KIF6: variants seen among roughly 807,000 people sequenced by gnomAD.
KIF6 encodes the protein kinesin family member 6.
Under a neutral mutation model 112.7 loss-of-function variants are expected in KIF6, and 106 were observed. The observed-to-expected ratio is 0.94, with a 90% confidence interval of 0.80 to 1.11. The LOEUF is 1.11. Among genes scored for constraint, KIF6 ranks in the 50% least tolerant of loss-of-function variants. KIF6 has a pLI of 0.00. For synonymous variants in KIF6, 339 were observed against 339.9 expected, an observed-to-expected ratio of 1.00 and a Z score of 0.03; for missense variants, 929 against 964.0, an observed-to-expected ratio of 0.96 and a Z score of 0.48.
At chr6:39,532,927 G>A (rs879102687) in intron 13 of KIF6, among the ~76,000 whole-genome samples, 1 of 152,186 alleles carries the variant, frequency 6.6e-6, no homozygotes, top group African/African-American at 2.4e-5. Flanking sequence ...ATCATGCTCT[G>A]CTGGCCTAAC....
intron 3 of KIF6, among the ~76,000 whole-genome samples, chr6:39,661,967 A>G (rs1172524941): frequency 6.6e-6 from 1 of 152,198 alleles, no homozygotes; most frequent in Non-Finnish European, 1.5e-5. Context: ...CTTTAATTGT[A>G]CTGGAGACCT....
intron 9 of KIF6, among the ~76,000 whole-genome samples, chr6:39,581,161 CTTT>C (rs60321520): frequency 2.5e-5 from 2 of 78,704 alleles, no homozygotes; most frequent in Non-Finnish European, 2.5e-5. Flanking sequence ...GCTTTACTTT[CTTT>C]TTTTTTTTTT....
intron 13 of KIF6, among the ~76,000 whole-genome samples, chr6:39,434,448 G>T (rs9471101): frequency 1.3e-5 from 2 of 151,822 alleles, no homozygotes; most frequent in African/African-American, 4.8e-5. Context: ...GCACGCACCT[G>T]TAATCCCAGC....
At chr6:39,441,741 G>A (rs1257686666) in intron 13 of KIF6, among the ~76,000 whole-genome samples, 4 of 152,194 alleles carry the variant, frequency 2.6e-5, no homozygotes, top group Admixed American at 6.5e-5. Flanking sequence ...TCCTCCTCTC[G>A]ATTGACAATT....
At chr6:39,664,102 G>T (rs564956944) in intron 3 of KIF6, among the ~76,000 whole-genome samples, 1 of 152,096 alleles carries the variant, frequency 6.6e-6, no homozygotes, top group Non-Finnish European at 1.5e-5. Flanking sequence ...ATGATTTCAC[G>T]TGGTGATAAC....
intron 14 of KIF6, among the ~76,000 whole-genome samples, chr6:39,424,682 G>A (rs556674815): frequency 5.5e-4 from 84 of 152,248 alleles, no homozygotes; most frequent in African/African-American, 1.9e-3. Context: ...GGTTGATGTG[G>A]AAAGAGCATG....
chr6:39,341,716 C>A (rs1231886912), intron 22 of KIF6, among the ~76,000 whole-genome samples: 1 of 152,148 alleles, frequency 6.6e-6, no homozygotes, highest in Non-Finnish European at 1.5e-5. Context: ...GATGGTCATG[C>A]CTCCCTGCCT....
At chr6:39,394,334 T>C (rs1315302453) in intron 15 of KIF6, among the ~76,000 whole-genome samples, 2 of 152,252 alleles carry the variant, frequency 1.3e-5, no homozygotes, top group African/African-American at 4.8e-5. Context: ...TACTATAGCA[T>C]GCTGGAAATT....
intron 3 of KIF6, among the ~76,000 whole-genome samples, chr6:39,696,983 C>G (rs1238192637): frequency 1.3e-5 from 2 of 152,010 alleles, no homozygotes; most frequent in African/African-American, 4.8e-5. Context: ...AAAATGTGAA[C>G]AAGCCCTACT....
At chr6:39,547,424 T>C (rs1779124122) in intron 10 of KIF6, among the ~76,000 whole-genome samples, 1 of 152,212 alleles carries the variant, frequency 6.6e-6, no homozygotes, top group African/African-American at 2.4e-5. Flanking sequence ...TACAGAGGGA[T>C]TTATTCCTGA....
chr6:39,608,840 C>T (rs1783037440), intron 6 of KIF6, among the ~76,000 whole-genome samples: 1 of 152,178 alleles, frequency 6.6e-6, no homozygotes, highest in Admixed American at 6.5e-5. Context: ...AGGTCTTCCT[C>T]TCTCATGAAT....
chr6:39,484,897 C>T (rs754330081), intron 13 of KIF6, among the ~76,000 whole-genome samples: 2 of 152,148 alleles, frequency 1.3e-5, no homozygotes, highest in Non-Finnish European at 2.9e-5. Flanking sequence ...CTGGGTTTGC[C>T]TCCCCCAGGG....
In KIF6 at chr6:39,346,132, C is replaced by CCTCTCTCTCTCCCTCTCTCTCT. The variant is rs1763769865; in HGVS notation, c.2231+343_2232-343insAGAGAGAGAGGGAGAGAGAGAG. 1.3e-3 allele frequency among the ~76,000 whole-genome samples: 34 copies of CCTCTCTCTCTCCCTCTCTCTCT among 26,928 alleles called. 2 individuals carry two copies. The East Asian group carries it at 0.013, about 10-fold the overall frequency. The allele number at this position is 26,928 out of a possible 152,430, so 17.7% of individuals were successfully genotyped here. On this transcript the variant is annotated intron_variant, in intron 20 of 22. Coordinates refer to ENST00000287152, the MANE Select transcript of KIF6 (RefSeq NM_145027.6). ...CTCCCTCTCCCTCTCCCTCCCTCTC[C>CCTCTCTCTCTCCCTCTCTCTCT]CTCTCTCTCTCTCTCTCTCTCTCTC...
chr6:39,597,867 TAATA>T (rs1281570710), intron 6 of KIF6, among the ~76,000 whole-genome samples: 7 of 152,046 alleles, frequency 4.6e-5, no homozygotes, highest in Non-Finnish European at 1.5e-5. Flanking sequence ...AAAACATTAA[TAATA>T]AATAAAGGAC....
chr6:39,515,525 T>G (rs1777031436), intron 13 of KIF6, among the ~76,000 whole-genome samples: 1 of 152,236 alleles, frequency 6.6e-6, no homozygotes, highest in Non-Finnish European at 1.5e-5. Flanking sequence ...TCTACTCTCC[T>G]TGTCACCACT....
At chr6:39,718,102 T>C (rs1789965845) in intron 2 of KIF6, among the ~76,000 whole-genome samples, 1 of 151,542 alleles carries the variant, frequency 6.6e-6, no homozygotes, top group Non-Finnish European at 1.5e-5. Flanking sequence ...TGGTGTTGCA[T>C]GCCTGTAATC....
At chr6:39,369,370 C>G (rs1281761504) in intron 16 of KIF6, among the ~76,000 whole-genome samples, 1 of 152,172 alleles carries the variant, frequency 6.6e-6, no homozygotes, top group South Asian at 2.1e-4. Flanking sequence ...TGGGCACACT[C>G]ACCCCCACTG....
At chr6:39,355,237 C>T (rs760713496) in intron 19 of KIF6, among the ~76,000 whole-genome samples, 11 of 152,032 alleles carry the variant, frequency 7.2e-5, no homozygotes, top group Non-Finnish European at 1.3e-4. Flanking sequence ...TGTTTATATT[C>T]TGCATATTGA....
chr6:39,383,293 T>C (rs1407422402), intron 16 of KIF6, among the ~76,000 whole-genome samples: 5 of 152,248 alleles, frequency 3.3e-5, no homozygotes, highest in East Asian at 1.9e-4. Flanking sequence ...TTTTAACAGA[T>C]TGAAGTCTTA....
Sources: allele counts gnomAD v4.1 joint callset (sites outside exome capture counted in the v4.1 genomes callset), GRCh38; gene constraint gnomAD v4.1.1; transcripts MANE v1.5; gene names NCBI Gene and HGNC (gene_info 2026-07-23, HGNC 2026-07-21).